The following LRMDA variants were observed in gnomAD, a reference collection of about 807,000 sequenced individuals.
LRMDA encodes the protein leucine rich melanocyte differentiation associated, also known as leucine-rich melanocyte differentiation-associated protein.
Under a neutral mutation model 29.8 loss-of-function variants are expected in LRMDA, and 18 were observed. The ratio of observed to expected loss-of-function variants is 0.60; its 90% CI spans 0.42 to 0.90. The LOEUF (loss-of-function observed/expected upper bound fraction) is 0.90, where lower values mean the gene tolerates loss of function less well. Among genes scored for constraint, LRMDA ranks in the 40% least tolerant of loss-of-function variants. LRMDA has a pLI of 0.00. For synonymous variants in LRMDA, 125 were observed against 109.4 expected (o/e 1.14, Z -0.89); for missense variants, 273 against 273.9 (o/e 1.00, Z 0.02).
intron 6 of LRMDA, among the ~76,000 whole-genome samples, chr10:76,379,218 G>C (rs1403022107): frequency 6.8e-6 from 1 of 147,300 alleles, no homozygotes; most frequent in Non-Finnish European, 1.5e-5. Flanking sequence ...CCTGGCTTTG[G>C]TATCAGGGTG....
At chr10:75,937,566 G>A (rs556759544) in intron 2 of LRMDA, among the ~76,000 whole-genome samples, 5 of 152,166 alleles carry the variant, frequency 3.3e-5, no homozygotes, top group African/African-American at 9.7e-5. Context: ...GTGCACCATC[G>A]AGTTGCCAAA....
intron 5 of LRMDA, among the ~76,000 whole-genome samples, chr10:76,167,489 A>C (rs1850761929): frequency 6.6e-6 from 1 of 152,200 alleles, no homozygotes; most frequent in African/African-American, 2.4e-5. Context: ...CAGTTATCTC[A>C]GCACCATTTA....
chr10:76,182,440 T>G (rs1203501117), intron 5 of LRMDA, among the ~76,000 whole-genome samples: 6 of 152,054 alleles, frequency 3.9e-5, no homozygotes, highest in Non-Finnish European at 8.8e-5. Flanking sequence ...AACAAAACAT[T>G]GTATGTCAGG....
intron 5 of LRMDA, among the ~76,000 whole-genome samples, chr10:76,199,561 A>G (rs993961294): frequency 6.6e-6 from 1 of 152,212 alleles, no homozygotes; most frequent in African/African-American, 2.4e-5. Flanking sequence ...GGAGACCATT[A>G]TTAGTATTAA....
chr10:76,048,586 G>A (rs1023133839), intron 4 of LRMDA, among the ~76,000 whole-genome samples: 1 of 152,092 alleles, frequency 6.6e-6, no homozygotes, highest in African/African-American at 2.4e-5. Context: ...TAAAATAGGA[G>A]GACAGTCTAT....
In LRMDA at chr10:75,495,414, G is replaced by A. The variant is rs141401699; in HGVS notation, c.131+56920G>A. Among the ~76,000 whole-genome samples the A allele has an allele frequency of 2.7e-3, 416 of 152,150 alleles. 3 individuals carry two copies. The highest frequency in any genetic ancestry group is 9.4e-3 in the African/African-American group (392 of 41,490). ...TATCGATATTAAGATGGTGGGCATG[G>A]AGGGGACCATTTTTTGAGTGCCAAG... On this transcript the variant is annotated intron_variant, in intron 2 of 6. Transcript: ENST00000611255.
At chr10:76,537,056 A>C (rs906224429) in intron 6 of LRMDA, among the ~76,000 whole-genome samples, 7 of 152,236 alleles carry the variant, frequency 4.6e-5, no homozygotes, top group Admixed American at 1.3e-4. Flanking sequence ...TTATTAAAAA[A>C]TCAAATGTAT....
In LRMDA at chr10:75,954,216, GT is replaced by G. The variant is rs557352231; in HGVS notation, c.132-81791del. Among the ~76,000 whole-genome samples, 97 of 152,308 alleles carry G rather than the reference GT, an allele frequency of 6.4e-4. 1 individual carries two copies. In the South Asian group the frequency reaches 0.02, roughly 31 times the overall value. ...CGTATCTGGTTGAGAGCACAGACATGTGGGGACTAACACCTTGATTTTGGCC... is the reference window on the plus strand; with the variant it reads ...CGTATCTGGTTGAGAGCACAGACATGGGGGACTAACACCTTGATTTTGGCC... On this transcript the variant is annotated intron_variant, in intron 2 of 6. Transcript: ENST00000611255.
At chr10:75,447,035 G>A (rs1167550139) in intron 2 of LRMDA, among the ~76,000 whole-genome samples, 2 of 152,242 alleles carry the variant, frequency 1.3e-5, no homozygotes, top group African/African-American at 2.4e-5. Context: ...ATGTCTGTAA[G>A]CCTTGAGCAG....
chr10:76,139,624 G>A (rs1031908148), intron 5 of LRMDA, among the ~76,000 whole-genome samples: 1 of 152,104 alleles, frequency 6.6e-6, no homozygotes, highest in Non-Finnish European at 1.5e-5. Context: ...AAAATACTGC[G>A]TATCCCCTTT....
chr10:75,901,636 C>T (rs532757732), intron 2 of LRMDA, among the ~76,000 whole-genome samples: 12 of 152,156 alleles, frequency 7.9e-5, no homozygotes, highest in Non-Finnish European at 1.5e-4. Context: ...TTGCACCAAG[C>T]TTCAAGTCAA....
chr10:76,197,320 AC>A (rs1415810143), intron 5 of LRMDA, among the ~76,000 whole-genome samples: 2 of 152,134 alleles, frequency 1.3e-5, no homozygotes, highest in Non-Finnish European at 2.9e-5. Context: ...CCTCCATCTG[AC>A]CTTCTGCTTA....
At chr10:76,246,377 T>C (rs1852377335) in intron 5 of LRMDA, among the ~76,000 whole-genome samples, 2 of 152,320 alleles carry the variant, frequency 1.3e-5, no homozygotes, top group African/African-American at 4.8e-5. Flanking sequence ...GACCTTGCAG[T>C]AATTGCAGGG....
intron 6 of LRMDA, among the ~76,000 whole-genome samples, chr10:76,523,399 C>T (rs986537076): frequency 6.6e-6 from 1 of 152,148 alleles, no homozygotes; most frequent in African/African-American, 2.4e-5. Flanking sequence ...TGGCTTACCT[C>T]TTCCCTCAGG....
chr10:76,347,283 G>T (rs1841120593), intron 6 of LRMDA, among the ~76,000 whole-genome samples: 1 of 152,092 alleles, frequency 6.6e-6, no homozygotes, highest in African/African-American at 2.4e-5. Flanking sequence ...TTAAATACAT[G>T]ATGCAGCTTC....
At chr10:76,104,495 C>T (rs1027863089) in intron 5 of LRMDA, among the ~76,000 whole-genome samples, 10 of 50,790 alleles carry the variant, frequency 2.0e-4, no homozygotes, top group African/African-American at 7.3e-4. Flanking sequence ...CCAGGCTGCC[C>T]TCCCTGCAGC....
chr10:75,926,697 G>A (rs1340711380), intron 2 of LRMDA, among the ~76,000 whole-genome samples: 1 of 152,236 alleles, frequency 6.6e-6, no homozygotes, highest in East Asian at 1.9e-4. Context: ...TTGCAGTGGT[G>A]TGCTACCACA....
chr10:76,396,491 A>G (rs1481799553), intron 6 of LRMDA: 1 of 152,116 alleles, frequency 6.6e-6, no homozygotes, highest in Non-Finnish European at 1.5e-5. Flanking sequence ...TTTCTTTTCT[A>G]CTTCCCCAGT....
intron 2 of LRMDA, among the ~76,000 whole-genome samples, chr10:75,491,939 T>C (rs2132061487): frequency 6.6e-6 from 1 of 152,366 alleles, no homozygotes; most frequent in South Asian, 2.1e-4. Flanking sequence ...ATATCCTTAC[T>C]ATATAAACAG....
Sources: allele counts gnomAD v4.1 joint callset (sites outside exome capture counted in the v4.1 genomes callset), GRCh38; gene constraint gnomAD v4.1.1; transcripts MANE v1.5; gene names NCBI Gene and HGNC (gene_info 2026-07-23, HGNC 2026-07-21).